The following ODC1 variants were observed in gnomAD, a reference collection of about 807,000 sequenced individuals.
ODC1 encodes ornithine decarboxylase.
Under a neutral mutation model 41.5 loss-of-function variants are expected in ODC1, and 18 were observed. The observed-to-expected ratio is 0.43, with a 90% CI of 0.30 to 0.64. The LOEUF (loss-of-function observed/expected upper bound fraction) is 0.64, where lower values mean the gene tolerates loss of function less well. Ranked by LOEUF, ODC1 falls within the 30% of genes least tolerant of loss-of-function variation. The pLI is 0.11. For synonymous variants in ODC1, 218 were observed against 211.6 expected (o/e 1.03, Z -0.26); for missense variants, 504 against 589.0 (o/e 0.86, Z 1.49).
chr2:10,445,890 T>C (rs938257678), intron 1 of ODC1, among the ~76,000 whole-genome samples: 2 of 152,126 alleles, frequency 1.3e-5, no homozygotes, highest in Admixed American at 6.5e-5. Context: ...CCCGCCTCGG[T>C]CTTCCAAAGT....
Position 10,443,531 on chromosome 2 carries a change from C to T in ODC1, c.625G>A (p.Val209Met). ...CAGCGGGCATCAGAGATTGCCTGCA[C>T]GAAGGTCTCAGGATCGGTACAGCCG... is the stretch of plus-strand genomic sequence containing the variant. ...GSGCTDPETF[V>M]QAISDARCVF... is the part of the protein sequence containing the mutation. The change falls in exon 7 of 12, where the codon GTG becomes ATG. Residue 209 changes from valine (V) to methionine (M), a missense_variant. Around this residue, in one of 3 missense-constraint regions of ODC1, gnomAD observed 447 missense variants for 524.4 expected, o/e 0.85. Coordinates refer to ENST00000234111, the MANE Select transcript of ODC1 (RefSeq NM_002539.3). 5.0e-6 allele frequency: 8 copies of T among 1,613,996 alleles called. No individual in the cohort carries two copies. Among genetic ancestry groups the T allele is most frequent in the East Asian group, 2.2e-5 (1 of 44,884 alleles).
intron 2 of ODC1, 47 bp downstream of exon 2, chr2:10,445,108 C>A: frequency 2.3e-6 from 2 of 886,386 alleles, no homozygotes; most frequent in South Asian, 2.7e-5. Flanking sequence ...CTTAGCAATA[C>A]AATTCTTAAG....
intron 11 of ODC1, among the ~76,000 whole-genome samples, chr2:10,441,211 G>A (rs1446456600): frequency 2.0e-5 from 3 of 152,102 alleles, no homozygotes; most frequent in Non-Finnish European, 4.4e-5. Context: ...GCCTCCCAAT[G>A]TGTTGTGATT....
At chr2:10,442,553 A>G (rs7559979) in intron 8 of ODC1, among the ~76,000 whole-genome samples, 70,769 of 152,006 alleles carry the variant, frequency 0.47, 18,023 homozygotes, top group East Asian at 0.77. Context: ...CCATGTGGAT[A>G]TATTTTATAA....
Position 10,441,621 on chromosome 2 carries a change from C to G in ODC1, c.1129G>C (p.Val377Leu). ...TTTTCAAAGAGCATCCAATCACCCA[C>G]ATGCATTTCAGGCAGGTCACAGCGC... ...VERCDLPEMH[V>L]GDWMLFENMG... Residue 377 changes from valine to leucine, a missense_variant, in exon 11 of 12, where the codon GTG becomes CTG. Physicochemically the swap from Val to Leu is conservative, Grantham distance 32 (BLOSUM62 1). Coordinates refer to ENST00000234111, the MANE Select transcript of ODC1 (RefSeq NM_002539.3). 6.2e-7 allele frequency: 1 copy of G among 1,614,228 alleles called. No homozygotes were observed.
chr2:10,442,708 A>C (rs1402288204), intron 8 of ODC1, among the ~76,000 whole-genome samples: 2 of 151,728 alleles, frequency 1.3e-5, no homozygotes, highest in Non-Finnish European at 2.9e-5. Flanking sequence ...CCACAGCAAC[A>C]TGCTTTTTCT....
In ODC1 at chr2:10,444,179, T is replaced by C; in HGVS notation, c.365A>G (p.Tyr122Cys). 1 of 1,613,228 alleles carries C rather than the reference T, an allele frequency of 6.2e-7. No individual in the cohort carries two copies. The highest frequency in any genetic ancestry group is 8.5e-7 in the Non-Finnish European group (1 of 1,179,800). Residue 122 changes from tyrosine (Y) to cysteine (C), a missense_variant, in exon 5 of 12, where the codon TAT becomes TGT. Tyr to Cys is a radical substitution (Grantham distance 194). Coordinates refer to ENST00000234111, the MANE Select transcript of ODC1 (RefSeq NM_002539.3). ...CATCTGGACTCCATTATTAGCAGCA[T>C]ACTTAATTTGAGATACTTGTTTACA... Reference protein sequence around the residue: ...NPCKQVSQIKYAANNGVQMMT... With the variant: ...NPCKQVSQIKCAANNGVQMMT...
rs1558551054 is a variant in ODC1, at chr2:10,444,187, T to C, written c.357A>G (p.Gln119=). Reference sequence around the variant, plus strand: ...CTCCATTATTAGCAGCATACTTAATTTGAGATACTTGTTTACAAGGATTTG... The same window carrying C: ...CTCCATTATTAGCAGCATACTTAATCTGAGATACTTGTTTACAAGGATTTG... ...IYANPCKQVS[Q]IKYAANNGVQ... Residue 119 remains glutamine, a synonymous_variant, in exon 5 of 12, where the codon CAA becomes CAG. Coordinates refer to ENST00000234111, the MANE Select transcript of ODC1 (RefSeq NM_002539.3). The C allele has an allele frequency of 6.2e-7, 1 of 1,613,142 alleles. No homozygotes were observed. The highest frequency in any genetic ancestry group is 8.5e-7 in the Non-Finnish European group (1 of 1,179,804).
Position 10,444,929 on chromosome 2 carries a change from ACAG to A in ODC1, c.101_102+1del. ...CTGCCAGCATGGGCCTCATATACTT[ACAG>A]AAGAAGAAACTTCATTAATTTTCTG... is the stretch of plus-strand genomic sequence containing the variant. On this transcript the variant is annotated splice_donor_variant and coding_sequence_variant, in exon 3 of 12. Transcript: ENST00000234111. LOFTEE classifies it high-confidence loss of function. The A allele has an allele frequency of 6.2e-7, 1 of 1,605,302 alleles. No individual in the cohort carries two copies.
Position 10,445,233 on chromosome 2 carries a change from T to C in ODC1, c.-96A>G. 1 of 510,766 alleles carries C rather than the reference T, an allele frequency of 2.0e-6. No individual in the cohort carries two copies. The highest frequency in any genetic ancestry group is 2.1e-5 in the South Asian group (1 of 47,822). The allele number at this position is 510,766 out of a possible 1,614,324, so 31.6% of individuals were successfully genotyped here. ...CAACTCTCCAGGAATTCCAAATCCC[T>C]CTGCGTGTGCCCTTGGAACAGCAGT... On this transcript the variant is annotated 5_prime_UTR_variant, in exon 2 of 12. Coordinates refer to ENST00000234111, the MANE Select transcript of ODC1 (RefSeq NM_002539.3).
rs1404967773 is a variant in ODC1, at chr2:10,441,665, C to A, written c.1085G>T (p.Gly362Val). 6.2e-7 allele frequency: 1 copy of A among 1,614,204 alleles called. No individual in the cohort carries two copies. Among genetic ancestry groups the A allele is most frequent in the Non-Finnish European group, 8.5e-7 (1 of 1,180,044 alleles). ...ACAGCGCTCAACAATCCGATCGAGG[C>A]CATCACATGTTGGTCCCCATATGCT... ...SSSIWGPTCD[G>V]LDRIVERCDL... The change falls in exon 11 of 12, where the codon GGC (glycine) becomes GTC (valine). Residue 362 changes from glycine (G) to valine (V), a missense_variant. Coordinates refer to ENST00000234111, the MANE Select transcript of ODC1 (RefSeq NM_002539.3).
At chr2:10,441,448 A>C in intron 11 of ODC1, 61 bp downstream of exon 11, 1 of 1,510,926 alleles carries the variant, frequency 6.6e-7, no homozygotes, top group Non-Finnish European at 9.1e-7. Flanking sequence ...CTAGACAAGA[A>C]GCACACATCC....
chr2:10,448,065 C>A (rs2302616), intron 1 of ODC1, 56 bp downstream of exon 1: 40,870 of 158,658 alleles, frequency 0.26, 6,082 homozygotes, highest in Non-Finnish European at 0.34. Flanking sequence ...GCCCGCAGCC[C>A]GCCCCGGCTC....
chr2:10,440,923 G>A, intron 11 of ODC1, 55 bp from the exon 12 acceptor site: 2 of 1,589,410 alleles, frequency 1.3e-6, no homozygotes, highest in Admixed American at 3.5e-5. Flanking sequence ...AACTGGGCAT[G>A]AGAGTATTTA....
At chr2:10,447,051 G>C (rs544994786) in intron 1 of ODC1, among the ~76,000 whole-genome samples, 1 of 152,102 alleles carries the variant, frequency 6.6e-6, no homozygotes, top group Non-Finnish European at 1.5e-5. Flanking sequence ...TCTCGGACTG[G>C]GTCATTTGAG....
Position 10,445,009 on chromosome 2 carries a change from C to A in ODC1, c.24G>T (p.Glu8Asp), listed in dbSNP as rs1558551936. Residue 8 changes from glutamate (E) to aspartate (D), a missense_variant, in exon 3 of 12, where the codon GAG (glutamate) becomes GAT (aspartate). By Grantham distance (45) the Glu-to-Asp change is conservative. Transcript: ENST00000234111. MNNFGNEEFDCHFLDEGF... is the reference protein window; with the variant it reads MNNFGNEDFDCHFLDEGF... ...CTTCATCGAGGAAGTGGCAGTCAAACTCTTCATTACCAAAGTTGTTCATGA... is the reference window on the plus strand; with the variant it reads ...CTTCATCGAGGAAGTGGCAGTCAAAATCTTCATTACCAAAGTTGTTCATGA... The A allele has an allele frequency of 6.2e-7, 1 of 1,613,002 alleles. No homozygotes were observed. The highest frequency in any genetic ancestry group is 8.5e-7 in the Non-Finnish European group (1 of 1,178,958).
At chr2:10,446,331 C>G (rs1198570675) in intron 1 of ODC1, among the ~76,000 whole-genome samples, 1 of 152,044 alleles carries the variant, frequency 6.6e-6, no homozygotes, top group African/African-American at 2.4e-5. Flanking sequence ...GTGGAGATGG[C>G]GTTTCTCCAT....
In ODC1 at chr2:10,443,836, C is replaced by T. The variant is rs1327787749; in HGVS notation, c.450G>A (p.Lys150=). ...CATCAGTGGCAATCCGCAAAACCAA[C>T]CTACAAGCAAGGAAAGTGCAGCAAA... The part of the protein sequence containing the change: ...MKVARAHPKA[K]LVLRIATDDS... Residue 150 remains lysine (K), a splice_region_variant and synonymous_variant, in exon 6 of 12, where the codon AAG becomes AAA. Coordinates refer to ENST00000234111, the MANE Select transcript of ODC1 (RefSeq NM_002539.3). 3.1e-6 allele frequency: 5 copies of T among 1,613,398 alleles called. No individual in the cohort carries two copies. In the African/African-American group the frequency reaches 6.7e-5, roughly 22 times the overall value.
chr2:10,441,623 T>C lies in ODC1; in HGVS notation c.1127A>G (p.His376Arg). The C allele has an allele frequency of 6.2e-7, 1 of 1,614,202 alleles. No homozygotes were observed. The highest frequency in any genetic ancestry group is 8.5e-7 in the Non-Finnish European group (1 of 1,180,032). ...IVERCDLPEM[H>R]VGDWMLFENM... is the part of the protein sequence containing the mutation. Reference sequence around the variant, plus strand: ...TTCAAAGAGCATCCAATCACCCACATGCATTTCAGGCAGGTCACAGCGCTC... The same window carrying C: ...TTCAAAGAGCATCCAATCACCCACACGCATTTCAGGCAGGTCACAGCGCTC... Residue 376 changes from histidine (H) to arginine (R), a missense_variant, in exon 11 of 12, where the codon CAT becomes CGT. Around this residue, in one of 3 missense-constraint regions of ODC1, gnomAD observed 447 missense variants for 524.4 expected, o/e 0.85. Transcript: ENST00000234111.
Sources: allele counts gnomAD v4.1 joint callset (sites outside exome capture counted in the v4.1 genomes callset), GRCh38; gene constraint gnomAD v4.1.1; regional missense constraint gnomAD v4.1.1; transcripts MANE v1.5; gene names NCBI Gene and HGNC (gene_info 2026-07-23, HGNC 2026-07-21).